The following APLP2 variants were observed in gnomAD, a reference collection of about 807,000 sequenced individuals.
APLP2 encodes the protein CDEI box-binding protein.
Under a neutral mutation model 89.9 loss-of-function variants are expected in APLP2, and 53 were observed. That is an observed-to-expected ratio of 0.59 (90% CI 0.47 to 0.74). The LOEUF (loss-of-function observed/expected upper bound fraction) is 0.74. Among genes scored for constraint, APLP2 ranks in the 30% least tolerant of loss-of-function variants. The pLI is 0.00. For missense variants in APLP2, 973 were observed against 975.9 expected (o/e 1.00, Z 0.04); for synonymous variants, 372 against 348.6 (o/e 1.07, Z -0.75).
chr11:130,138,219 A>T (rs1390526975), intron 13 of APLP2, among the ~76,000 whole-genome samples: 4 of 152,230 alleles, frequency 2.6e-5, no homozygotes, highest in African/African-American at 9.6e-5. Flanking sequence ...TGATGGGCCA[A>T]ACGGTGTTGC....
At chr11:130,132,979 CTT>C (rs60338624) in intron 11 of APLP2, among the ~76,000 whole-genome samples, 48 of 141,060 alleles carry the variant, frequency 3.4e-4, no homozygotes, top group Admixed American at 2.9e-4. Flanking sequence ...AATTAGAGTT[CTT>C]TTTTTTTTTT....
chr11:130,139,818 G>A (rs925048500), intron 13 of APLP2, among the ~76,000 whole-genome samples: 1 of 152,182 alleles, frequency 6.6e-6, no homozygotes, highest in Non-Finnish European at 1.5e-5. Flanking sequence ...GATTCAGCGT[G>A]GTGGGAGATG....
chr11:130,126,493 G>A (rs924180318), intron 7 of APLP2, among the ~76,000 whole-genome samples: 2 of 152,192 alleles, frequency 1.3e-5, no homozygotes, highest in Admixed American at 6.5e-5. Context: ...CTGTATTAGC[G>A]TGGGCTGACA....
At chr11:130,134,019 G>A (rs1205123172) in intron 12 of APLP2, among the ~76,000 whole-genome samples, 4 of 152,208 alleles carry the variant, frequency 2.6e-5, no homozygotes, top group Non-Finnish European at 5.9e-5. Context: ...CGAGTTTCCT[G>A]TTCCCGTTTT....
chr11:130,098,127 C>A (rs1946450887), intron 1 of APLP2, among the ~76,000 whole-genome samples: 1 of 152,146 alleles, frequency 6.6e-6, no homozygotes, highest in Non-Finnish European at 1.5e-5. Context: ...GGATATTTGG[C>A]CGGGCGCGGT....
At chr11:130,129,712 T>C (rs1418743246) in intron 10 of APLP2, among the ~76,000 whole-genome samples, 1 of 152,168 alleles carries the variant, frequency 6.6e-6, no homozygotes, top group Non-Finnish European at 1.5e-5. Context: ...TCTTCTCTCT[T>C]TGGGTGACAC....
chr11:130,135,154 C>G (rs952331265), intron 12 of APLP2, among the ~76,000 whole-genome samples: 4 of 150,892 alleles, frequency 2.7e-5, no homozygotes, highest in African/African-American at 9.9e-5. Flanking sequence ...TAATATCGTA[C>G]TATATACTAA....
chr11:130,138,318 G>A (rs1951876974), intron 13 of APLP2, among the ~76,000 whole-genome samples: 1 of 152,206 alleles, frequency 6.6e-6, no homozygotes, highest in Admixed American at 6.5e-5. Flanking sequence ...ATGACTTCGT[G>A]TAGATGCTTT....
chr11:130,079,846 C>T (rs1057214216), intron 1 of APLP2, among the ~76,000 whole-genome samples: 13 of 152,052 alleles, frequency 8.5e-5, no homozygotes, highest in South Asian at 6.2e-4. Flanking sequence ...ATATGATACT[C>T]GTAGTTTTTT....
Position 130,143,445 on chromosome 11 carries a change from T to C in APLP2, c.2253T>C (p.Ile751=). 2 of 1,613,596 alleles carry C rather than the reference T, an allele frequency of 1.2e-6. No homozygotes were observed. The highest frequency in any genetic ancestry group is 1.7e-6 in the Non-Finnish European group (2 of 1,179,636). ...PTYKYLEQMQ[I] is the part of the protein sequence containing the mutation. ...ACAAATACCTGGAGCAGATGCAGAT[T>C]TAGGTGGCAGGGAGCGCGGCAGCCC... is the stretch of plus-strand genomic sequence containing the variant. The change falls in exon 17 of 17, where the codon ATT becomes ATC. Residue 751 remains isoleucine (I), a synonymous_variant. Transcript: ENST00000338167.
chr11:130,077,620 A>AAC (rs1050649627), intron 1 of APLP2, among the ~76,000 whole-genome samples: 10 of 152,068 alleles, frequency 6.6e-5, no homozygotes, highest in African/African-American at 1.9e-4. Flanking sequence ...CTTAAAAAAA[A>AAC]AAACAAAAAA....
At chr11:130,083,002 A>G (rs532249936) in intron 1 of APLP2, among the ~76,000 whole-genome samples, 9 of 138,104 alleles carry the variant, frequency 6.5e-5, no homozygotes, top group Non-Finnish European at 1.2e-4. Flanking sequence ...AACAAAATAT[A>G]TTAACCACTG....
intron 1 of APLP2, among the ~76,000 whole-genome samples, chr11:130,092,449 C>T (rs1203666460): frequency 2.4e-5 from 3 of 125,980 alleles, no homozygotes; most frequent in East Asian, 5.5e-4. Context: ...ACTGAGTGAA[C>T]GAGACTCCGT....
At chr11:130,143,170 C>T (rs1165488069) in intron 16 of APLP2, among the ~76,000 whole-genome samples, 177 bp from the exon 17 acceptor site, 1 of 152,212 alleles carries the variant, frequency 6.6e-6, no homozygotes, top group African/African-American at 2.4e-5. Flanking sequence ...CTTTGATCCC[C>T]TTATTTTCTT....
At position 130,143,417 on chromosome 11, in the gene APLP2, C is replaced by T. The variant is rs766057255; in HGVS notation, c.2225C>T (p.Thr742Ile). ...KMQNHGYENP[T>I]YKYLEQMQI ...CAGAACCATGGCTATGAGAACCCCACCTACAAATACCTGGAGCAGATGCAG... is the reference window on the plus strand; with the variant it reads ...CAGAACCATGGCTATGAGAACCCCATCTACAAATACCTGGAGCAGATGCAG... Residue 742 changes from threonine (T) to isoleucine (I), a missense_variant, in exon 17 of 17, where the codon ACC (threonine) becomes ATC (isoleucine). By Grantham distance (89) the Thr-to-Ile change is moderately conservative (BLOSUM62 -1). Transcript: ENST00000338167. 1.2e-6 allele frequency: 2 copies of T among 1,613,920 alleles called. No individual in the cohort carries two copies. The highest frequency in any genetic ancestry group is 1.1e-5 in the South Asian group (1 of 91,080).
intron 1 of APLP2, among the ~76,000 whole-genome samples, chr11:130,093,425 A>G (rs1366085111): frequency 6.6e-6 from 1 of 152,254 alleles, no homozygotes. Flanking sequence ...AATTGTTTGA[A>G]ATTTAAAGAC....
rs1315058709 is a variant in APLP2 at position 130,092,540 on chromosome 11, C to T, written c.106-16889C>T. ...CTGGAGACCGGCCCGGCCAACACAG[C>T]GAAACCCCGTCTCCACCAAAACCAG... On this transcript the variant is annotated intron_variant, in intron 1 of 16. Coordinates refer to ENST00000338167, the MANE Select transcript of APLP2 (RefSeq NM_001142276.2). Among the ~76,000 whole-genome samples, 7 of 141,098 alleles carry T rather than the reference C, an allele frequency of 5.0e-5. No homozygotes were observed. In the East Asian group the frequency reaches 6.4e-4, roughly 13 times the overall value. 92.6% of individuals were successfully genotyped at this position (141,098 alleles called of 152,430 possible).
At position 130,109,999 on chromosome 11, in the gene APLP2, T is replaced by C. The variant is rs537580062; in HGVS notation, c.279+397T>C. 4.6e-5 allele frequency among the ~76,000 whole-genome samples: 7 copies of C among 152,354 alleles called. No homozygotes were observed. In the South Asian group the frequency reaches 1.4e-3, roughly 32 times the overall value. On this transcript the variant is annotated intron_variant, in intron 2 of 16. Coordinates refer to ENST00000338167, the MANE Select transcript of APLP2 (RefSeq NM_001142276.2). ...AAAGAGAAAATGATAGGAGATGTTA[T>C]AACTTGTATTTATTTTTTCTGATAG...
In APLP2 at chr11:130,130,111, A is replaced by G; in HGVS notation, c.1529A>G (p.His510Arg). The change falls in exon 11 of 17, where the codon CAT becomes CGT. Residue 510 changes from histidine (H) to arginine (R), a missense_variant. Physicochemically the swap from His to Arg is conservative, Grantham distance 29. Transcript: ENST00000338167. ...AAAGATCGCTTACATACCATCCGTC[A>G]TTACCAGCATGTGTTGGCTGTTGAC... ...ENKDRLHTIR[H>R]YQHVLAVDPE... 3 of 1,614,278 alleles carry G rather than the reference A, an allele frequency of 1.9e-6. No individual in the cohort carries two copies. The highest frequency in any genetic ancestry group is 1.1e-5 in the South Asian group (1 of 91,090).
Sources: allele counts gnomAD v4.1 joint callset (sites outside exome capture counted in the v4.1 genomes callset), GRCh38; gene constraint gnomAD v4.1.1; transcripts MANE v1.5; gene names NCBI Gene and HGNC (gene_info 2026-07-23, HGNC 2026-07-21).